The following REV1 variants were observed in gnomAD, a reference collection of about 807,000 sequenced individuals.
The protein encoded by REV1 is REV1 DNA directed polymerase, also known as translesion synthesis protein REV1.
In REV1, 42 loss-of-function variants were observed where a neutral mutation model predicts 137.4. The observed-to-expected ratio is 0.31, with a 90% CI of 0.24 to 0.40. The LOEUF is 0.40. Ranked by LOEUF, REV1 falls within the 10% of genes least tolerant of loss-of-function variation. The probability of loss-of-function intolerance (pLI) is 1.00; values close to 1 mark genes in which losing one functional copy is unlikely to be tolerated. For missense variants in REV1, 1,282 were observed against 1,490.1 expected, an observed-to-expected ratio of 0.86 and a Z score of 2.30; for synonymous variants, 524 against 519.2, an observed-to-expected ratio of 1.01 and a Z score of -0.12.
Position 99,406,367 on chromosome 2 carries a change from C to T in REV1, c.2572G>A (p.Val858Ile), listed in dbSNP as rs770586492. The T allele has an allele frequency of 1.2e-6, 2 of 1,613,218 alleles. No homozygotes were observed. The highest frequency in any genetic ancestry group is 1.7e-6 in the Non-Finnish European group (2 of 1,179,562). ...GSYSVRDVFQVQKAKKSTEEE... is the reference protein window; with the variant it reads ...GSYSVRDVFQIQKAKKSTEEE... Reference sequence around the variant, plus strand: ...TCGGTGGATTTCTTAGCTTTCTGAACTTGGAAGACATCACGGACAGAGTAT... The same window carrying T: ...TCGGTGGATTTCTTAGCTTTCTGAATTTGGAAGACATCACGGACAGAGTAT... Residue 858 changes from valine to isoleucine, a missense_variant, in exon 16 of 23, where the codon GTT (valine) becomes ATT (isoleucine). By Grantham distance (29) the Val-to-Ile change is conservative. Transcript: ENST00000258428.
chr2:99,422,233 C>G (rs1161142288), intron 10 of REV1, among the ~76,000 whole-genome samples: 2 of 152,144 alleles, frequency 1.3e-5, no homozygotes, highest in Non-Finnish European at 2.9e-5. Context: ...TGTGGACATA[C>G]TTTTTAAAAA....
In REV1 at chr2:99,412,047, CA is replaced by C. The variant is rs1173964591; in HGVS notation, c.2172+683del. ...AGGAGTTTGAGACCAGCCTGGCCAACACGGTGAAACCACGTCTCTACTAAAA... is the reference window on the plus strand; with the variant it reads ...AGGAGTTTGAGACCAGCCTGGCCAACCGGTGAAACCACGTCTCTACTAAAA... On this transcript the variant is annotated intron_variant, in intron 13 of 22. Transcript: ENST00000258428. Among the ~76,000 whole-genome samples the C allele has an allele frequency of 2.0e-5, 3 of 151,916 alleles. No homozygotes were observed. The East Asian group carries it at 5.9e-4, about 30-fold the overall frequency.
chr2:99,447,210 G>A (rs1038826834), intron 4 of REV1, among the ~76,000 whole-genome samples: 2 of 151,456 alleles, frequency 1.3e-5, no homozygotes, highest in Non-Finnish European at 2.9e-5. Context: ...AGGCTGGAGT[G>A]CAGTGGCGTG....
In REV1 at chr2:99,406,426, G is replaced by A. The variant is rs1225053796; in HGVS notation, c.2513C>T (p.Pro838Leu). 1 of 1,613,538 alleles carries A rather than the reference G, an allele frequency of 6.2e-7. No homozygotes were observed. The highest frequency in any genetic ancestry group is 8.5e-7 in the Non-Finnish European group (1 of 1,179,744). ...AGGAAAGTGGCTTGACTGAACTGAT[G>A]GGCGACTGGGACATGTGGAAGGGTT... ...NLNPSTCPSR[P>L]SVQSSHFPSG... is the part of the protein sequence containing the mutation. Residue 838 changes from proline to leucine, a missense_variant, in exon 16 of 23, where the codon CCA becomes CTA. Transcript: ENST00000258428.
At chr2:99,429,383 A>T (rs1679822362) in intron 9 of REV1, among the ~76,000 whole-genome samples, 1 of 152,208 alleles carries the variant, frequency 6.6e-6, no homozygotes, top group Non-Finnish European at 1.5e-5. Context: ...AGATATTAAG[A>T]ATGCCAATAA....
chr2:99,464,299 T>C (rs1453432423), intron 2 of REV1, among the ~76,000 whole-genome samples: 3 of 152,188 alleles, frequency 2.0e-5, no homozygotes, highest in East Asian at 3.9e-4. Context: ...TTTCCCAAAA[T>C]GGAAATGACT....
intron 3 of REV1, 71 bp downstream of exon 3, chr2:99,462,425 T>C: frequency 1.4e-6 from 2 of 1,418,000 alleles, no homozygotes. Context: ...AAAAATAGAA[T>C]TTTAAAACAA....
At chr2:99,424,744 A>T (rs1174285094) in intron 9 of REV1, 1 of 1,301,080 alleles carries the variant, frequency 7.7e-7, no homozygotes, top group East Asian at 5.6e-5. Context: ...GCTATGTGAC[A>T]AACAGACAAA....
intron 3 of REV1, among the ~76,000 whole-genome samples, chr2:99,458,029 T>G (rs1001527717): frequency 2.6e-5 from 4 of 152,270 alleles, no homozygotes; most frequent in Admixed American, 2.6e-4. Flanking sequence ...AGAAAACATT[T>G]GGGATCTAGC....
intron 1 of REV1, among the ~76,000 whole-genome samples, chr2:99,477,792 T>G (rs1309147500): frequency 6.6e-6 from 1 of 152,216 alleles, no homozygotes; most frequent in Admixed American, 6.5e-5. Context: ...TTGTTATTCA[T>G]AACTACCAAA....
chr2:99,417,277 C>T (rs1360589691), intron 12 of REV1, among the ~76,000 whole-genome samples: 1 of 152,038 alleles, frequency 6.6e-6, no homozygotes, highest in African/African-American at 2.4e-5. Flanking sequence ...GTAGCTGGGA[C>T]TACAGGCATG....
chr2:99,482,522 C>G (rs1423492867), intron 1 of REV1, among the ~76,000 whole-genome samples: 1 of 152,082 alleles, frequency 6.6e-6, no homozygotes, highest in Non-Finnish European at 1.5e-5. Context: ...GCAGACTGTA[C>G]CCTTAACTTA....
intron 21 of REV1, 64 bp from the exon 22 acceptor site, chr2:99,402,410 C>T (rs1675598950): frequency 1.1e-6 from 1 of 879,402 alleles, no homozygotes; most frequent in East Asian, 2.6e-5. Flanking sequence ...CAGAGATCTG[C>T]ATGGATAAAG....
chr2:99,453,447 A>G (rs1300761286), intron 3 of REV1, among the ~76,000 whole-genome samples: 3 of 152,178 alleles, frequency 2.0e-5, no homozygotes, highest in Non-Finnish European at 4.4e-5. Flanking sequence ...AGCAAGAAGG[A>G]GCTCTAGAGC....
chr2:99,412,000 G>C (rs1199218410), intron 13 of REV1, among the ~76,000 whole-genome samples: 1 of 151,236 alleles, frequency 6.6e-6, no homozygotes, highest in Non-Finnish European at 1.5e-5. Flanking sequence ...TTAGGAGGCT[G>C]AGGCGGGCAG....
At chr2:99,451,439 T>C (rs1010111146) in intron 3 of REV1, 34 of 1,303,862 alleles carry the variant, frequency 2.6e-5, no homozygotes, top group African/African-American at 1.1e-4. Context: ...AGAGGGCTCT[T>C]TGAAGTTCAC....
intron 11 of REV1, among the ~76,000 whole-genome samples, chr2:99,420,400 C>T (rs1678504115): frequency 6.6e-6 from 1 of 152,206 alleles, no homozygotes; most frequent in South Asian, 2.1e-4. Context: ...AGCTACCAGG[C>T]AACTAGGGAC....
chr2:99,479,126 G>A (rs1473737265), intron 1 of REV1, among the ~76,000 whole-genome samples: 4 of 151,726 alleles, frequency 2.6e-5, no homozygotes, highest in Non-Finnish European at 5.9e-5. Flanking sequence ...TCAGGAGATC[G>A]AGACCACACT....
chr2:99,411,372 A>T (rs1272165911), intron 13 of REV1, among the ~76,000 whole-genome samples: 1 of 152,020 alleles, frequency 6.6e-6, no homozygotes, highest in East Asian at 1.9e-4. Context: ...ACAAAGTGAA[A>T]GTAATGAGTA....
Sources: gnomAD v4.1 joint callset for allele counts (sites outside exome capture counted in the v4.1 genomes callset) on GRCh38, gnomAD v4.1.1 for gene constraint, MANE v1.5 for transcripts, NCBI Gene and HGNC (gene_info 2026-07-23, HGNC 2026-07-21) for gene names.